MAP2: variants seen among roughly 807,000 people sequenced by gnomAD.
The protein encoded by MAP2 is microtubule-associated protein 2.
MAP2 carries 14 observed loss-of-function variants against 137.6 expected under a neutral mutation model. The ratio of observed to expected loss-of-function variants is 0.10; its 90% CI spans 0.07 to 0.16. The LOEUF (loss-of-function observed/expected upper bound fraction) is 0.16. Ranked by LOEUF, MAP2 falls within the 10% of genes least tolerant of loss-of-function variation. The probability of loss-of-function intolerance (pLI) is 1.00; values close to 1 mark genes in which losing one functional copy is unlikely to be tolerated. For synonymous variants in MAP2, 786 were observed against 782.3 expected (o/e 1.00, Z -0.08); for missense variants, 2,088 against 2,191.5 (o/e 0.95, Z 0.94).
chr2:209,494,137 C>T (rs2150027286), intron 1 of MAP2, among the ~76,000 whole-genome samples: 1 of 152,070 alleles, frequency 6.6e-6, no homozygotes, highest in Admixed American at 6.5e-5. Context: ...TTTGCAGGGT[C>T]ATGGATAAAG....
At chr2:209,473,261 T>C (rs1441948722) in intron 1 of MAP2, among the ~76,000 whole-genome samples, 3 of 152,178 alleles carry the variant, frequency 2.0e-5, no homozygotes, top group Admixed American at 6.6e-5. Flanking sequence ...CAAATAATTA[T>C]ACTTTGGTGA....
rs138613446 is a variant in MAP2 at position 209,653,883 on chromosome 2, C to A, written c.262+451C>A. On this transcript the variant is annotated intron_variant, in intron 5 of 15. Transcript: ENST00000682079. Reference sequence around the variant, plus strand: ...CATCATTCAACAAATTACAGTTTAGCTTTTCTACATGCAAGGTGTTGTGTT... The same window carrying A: ...CATCATTCAACAAATTACAGTTTAGATTTTCTACATGCAAGGTGTTGTGTT... Among the ~76,000 whole-genome samples the A allele has an allele frequency of 4.9e-3, 740 of 152,250 alleles. 4 individuals are homozygous for A. The highest frequency in any genetic ancestry group is 5.1e-3 in the Non-Finnish European group (346 of 68,020).
At chr2:209,565,126 C>G (rs1049800518) in intron 2 of MAP2, among the ~76,000 whole-genome samples, 3 of 152,214 alleles carry the variant, frequency 2.0e-5, no homozygotes, top group African/African-American at 7.2e-5. Context: ...GCTATTAAAT[C>G]TAGACTTTAA....
chr2:209,553,139 G>A (rs2069614983), intron 2 of MAP2, among the ~76,000 whole-genome samples: 2 of 151,722 alleles, frequency 1.3e-5, no homozygotes, highest in African/African-American at 2.4e-5. Context: ...AGCCTCCGGA[G>A]TAGCTCGGAC....
intron 2 of MAP2, among the ~76,000 whole-genome samples, chr2:209,563,156 A>T (rs1578332937): frequency 6.6e-6 from 1 of 152,322 alleles, no homozygotes; most frequent in East Asian, 1.9e-4. Flanking sequence ...AGTACAGAGT[A>T]GTAGAATGGA....
intron 2 of MAP2, among the ~76,000 whole-genome samples, chr2:209,534,244 C>A (rs891653549): frequency 6.6e-6 from 1 of 152,172 alleles, no homozygotes; most frequent in African/African-American, 2.4e-5. Context: ...CTTGTTTAGC[C>A]CTTACAACAA....
intron 4 of MAP2, among the ~76,000 whole-genome samples, chr2:209,630,783 T>C (rs1247837726): frequency 1.3e-5 from 2 of 151,776 alleles, no homozygotes; most frequent in African/African-American, 4.8e-5. Flanking sequence ...ATTGATACTT[T>C]AGGGAGTGTT....
At chr2:209,618,010 G>GA (rs1295159708) in intron 3 of MAP2, among the ~76,000 whole-genome samples, 1 of 152,086 alleles carries the variant, frequency 6.6e-6, no homozygotes, top group African/African-American at 2.4e-5. Flanking sequence ...TCAGGGACAT[G>GA]AATTTCTTAC....
chr2:209,626,941 A>C (rs1187721111), intron 4 of MAP2, among the ~76,000 whole-genome samples: 1 of 152,142 alleles, frequency 6.6e-6, no homozygotes, highest in African/African-American at 2.4e-5. Flanking sequence ...AAGGAATTCA[A>C]AGTTTTTAAT....
At chr2:209,691,654 T>G (rs1256508241) in intron 7 of MAP2, among the ~76,000 whole-genome samples, 1 of 152,226 alleles carries the variant, frequency 6.6e-6, no homozygotes, top group African/African-American at 2.4e-5. Context: ...TAAAGCCTTT[T>G]GGATTGTTGA....
chr2:209,430,214 C>G (rs1406997729), intron 1 of MAP2, among the ~76,000 whole-genome samples: 2 of 150,402 alleles, frequency 1.3e-5, no homozygotes, highest in Non-Finnish European at 3.0e-5. Context: ...TGCTACAAAA[C>G]TTATTTATTG....
At chr2:209,569,756 C>T (rs575341927) in intron 2 of MAP2, among the ~76,000 whole-genome samples, 1 of 151,774 alleles carries the variant, frequency 6.6e-6, no homozygotes, top group South Asian at 2.1e-4. Flanking sequence ...TCTCATGTAA[C>T]GTTTAAGATT....
At chr2:209,537,198 C>A (rs146512687) in intron 2 of MAP2, among the ~76,000 whole-genome samples, 274 of 152,086 alleles carry the variant, frequency 1.8e-3, no homozygotes, top group African/African-American at 6.4e-3. Context: ...GTAATTCTCA[C>A]GATATTTCAA....
chr2:209,536,672 T>G (rs1341373482), intron 2 of MAP2, among the ~76,000 whole-genome samples: 1 of 152,208 alleles, frequency 6.6e-6, no homozygotes, highest in African/African-American at 2.4e-5. Flanking sequence ...GATCCCCAAC[T>G]ATGATTTTAA....
In MAP2 at chr2:209,633,910, A is replaced by T. The variant is rs549919596; in HGVS notation, c.-30+8781A>T. ...CTTTGCAGGGCTTCTGTTTTTTACC[A>T]TCTCAGGAAAAGGAGGGCTTTCACT... On this transcript the variant is annotated intron_variant, in intron 4 of 15. Transcript: ENST00000682079. 1.2e-4 allele frequency among the ~76,000 whole-genome samples: 18 copies of T among 152,296 alleles called. No homozygotes were observed. In the East Asian group the frequency reaches 3.3e-3, roughly 28 times the overall value.
intron 6 of MAP2, among the ~76,000 whole-genome samples, chr2:209,679,730 C>T (rs1481561238): frequency 1.3e-5 from 2 of 151,952 alleles, no homozygotes. Context: ...CTATTTTTCT[C>T]TTAAAACACA....
intron 4 of MAP2, among the ~76,000 whole-genome samples, chr2:209,640,908 T>C (rs1020238395): frequency 1.4e-4 from 21 of 148,162 alleles, no homozygotes; most frequent in Admixed American, 6.9e-4. Flanking sequence ...TTTTCATGAC[T>C]GCCATTTCTT....
intron 1 of MAP2, among the ~76,000 whole-genome samples, chr2:209,435,956 C>CAGTATATATTATATATAATATATAA (rs1695910406): frequency 7.2e-6 from 1 of 138,216 alleles, no homozygotes; most frequent in Non-Finnish European, 1.5e-5. Context: ...ACTATATATA[C>CAGTATATATTATATATAATATATAA]AGTATATATT....
At chr2:209,703,336 G>A (rs558530899) in intron 11 of MAP2, among the ~76,000 whole-genome samples, 1 of 151,944 alleles carries the variant, frequency 6.6e-6, no homozygotes, top group South Asian at 2.1e-4. Context: ...TCATTATTAG[G>A]CTTCAAATAT....
Sources: gnomAD v4.1 joint callset for allele counts (sites outside exome capture counted in the v4.1 genomes callset) on GRCh38, gnomAD v4.1.1 for gene constraint, MANE v1.5 for transcripts, NCBI Gene and HGNC (gene_info 2026-07-23, HGNC 2026-07-21) for gene names.